The following BBX variants were observed in gnomAD, a reference collection of about 807,000 sequenced individuals.
BBX encodes the protein BBX high mobility group box domain containing.
BBX carries 30 observed loss-of-function variants against 100.2 expected under a neutral mutation model. The ratio of observed to expected loss-of-function variants is 0.30; its 90% CI spans 0.22 to 0.41. The LOEUF (loss-of-function observed/expected upper bound fraction) is 0.41, where lower values mean the gene tolerates loss of function less well. BBX is among the 10% of genes least tolerant of loss of function. The pLI, the probability that BBX is intolerant of heterozygous loss-of-function variation, is 1.00. For missense variants in BBX, 1,023 were observed against 1,129.8 expected, an observed-to-expected ratio of 0.91 and a Z score of 1.35; for synonymous variants, 376 against 388.1, an observed-to-expected ratio of 0.97 and a Z score of 0.37.
At chr3:107,674,225 CA>C (rs2059169194) in intron 3 of BBX, among the ~76,000 whole-genome samples, 3 of 152,022 alleles carry the variant, frequency 2.0e-5, no homozygotes, top group African/African-American at 7.2e-5. Flanking sequence ...TAACTAATAC[CA>C]AAAACTGCCT....
At chr3:107,782,333 C>T (rs763955507) in intron 13 of BBX, among the ~76,000 whole-genome samples, 3 of 152,020 alleles carry the variant, frequency 2.0e-5, no homozygotes, top group Non-Finnish European at 4.4e-5. Flanking sequence ...TCATTGGGTA[C>T]TCATTACTTA....
At chr3:107,583,543 G>A (rs2107557439) in intron 2 of BBX, among the ~76,000 whole-genome samples, 1 of 151,722 alleles carries the variant, frequency 6.6e-6, no homozygotes, top group Middle Eastern at 3.4e-3. Context: ...AGTATGTAAT[G>A]ATCAAATCGG....
chr3:107,558,432 G>A (rs902014446), intron 2 of BBX, among the ~76,000 whole-genome samples: 7 of 152,128 alleles, frequency 4.6e-5, no homozygotes, highest in Admixed American at 3.9e-4. Flanking sequence ...AGGTTGCAGT[G>A]AGCCAAGATC....
chr3:107,744,809 C>T, intron 8 of BBX, 99 bp downstream of exon 8: 2 of 946,504 alleles, frequency 2.1e-6, no homozygotes, highest in Non-Finnish European at 3.4e-6. Context: ...GAACTCTACT[C>T]AGCTCAACCA....
intron 13 of BBX, among the ~76,000 whole-genome samples, chr3:107,780,463 T>G (rs2067760300): frequency 2.6e-5 from 4 of 152,182 alleles, no homozygotes; most frequent in Admixed American, 2.0e-4. Flanking sequence ...CAGCTGAGAT[T>G]AACAGTATTT....
Position 107,809,487 on chromosome 3 carries a change from A to G in BBX, c.*4030A>G, listed in dbSNP as rs995632857. On this transcript the variant is annotated 3_prime_UTR_variant, in exon 18 of 18. Transcript: ENST00000325805. Reference sequence around the variant, plus strand: ...ATGCTGTTGAGGAGATTCACCTTCAATTGCACTGCTCCACAGAGCCCTCAT... The same window carrying G: ...ATGCTGTTGAGGAGATTCACCTTCAGTTGCACTGCTCCACAGAGCCCTCAT... 3 of 152,196 alleles carry G rather than the reference A, an allele frequency of 2.0e-5. No individual in the cohort carries two copies. Among genetic ancestry groups the G allele is most frequent in the Non-Finnish European group, 4.4e-5 (3 of 68,042 alleles). 9.4% of individuals were successfully genotyped at this position (152,196 alleles called of 1,614,324 possible). A position where few individuals can be genotyped will look rare whatever the true frequency, so the allele number is the denominator to read the frequency against.
chr3:107,721,635 T>C (rs992511595), intron 5 of BBX, among the ~76,000 whole-genome samples: 1 of 152,074 alleles, frequency 6.6e-6, no homozygotes, highest in Non-Finnish European at 1.5e-5. Flanking sequence ...TAAAGAAATA[T>C]TCAGATGTTT....
intron 2 of BBX, among the ~76,000 whole-genome samples, chr3:107,596,267 G>A (rs1323725937): frequency 6.6e-6 from 1 of 152,074 alleles, no homozygotes; most frequent in African/African-American, 2.4e-5. Context: ...GGCAGGAATG[G>A]GGGTAGGGAC....
In BBX at chr3:107,710,532, G is replaced by T; in HGVS notation, c.72G>T (p.Lys24Asn). The T allele has an allele frequency of 6.2e-7, 1 of 1,613,836 alleles. No individual in the cohort carries two copies. The highest frequency in any genetic ancestry group is 1.1e-5 in the South Asian group (1 of 91,054). ...GGGTTGGAAAACGACCAAAACGAAAGTGTCTTCAGTGGCATCCATTGCTAG... is the reference window on the plus strand; with the variant it reads ...GGGTTGGAAAACGACCAAAACGAAATTGTCTTCAGTGGCATCCATTGCTAG... ...GEGVGKRPKR[K>N]CLQWHPLLAK... The change falls in exon 4 of 18, where the codon AAG (lysine) becomes AAT (asparagine). Residue 24 changes from lysine to asparagine, a missense_variant. This residue lies in a region of BBX where 229 missense variants were observed against 226.3 expected (regional missense o/e 1.01). Transcript: ENST00000325805.
chr3:107,743,382 G>A (rs1178981139), intron 7 of BBX, among the ~76,000 whole-genome samples: 1 of 152,050 alleles, frequency 6.6e-6, no homozygotes, highest in Non-Finnish European at 1.5e-5. Flanking sequence ...AATTCATTTT[G>A]TGTCTCCTTG....
At chr3:107,533,721 A>C (rs1030098925) in intron 2 of BBX, among the ~76,000 whole-genome samples, 3 of 152,296 alleles carry the variant, frequency 2.0e-5, no homozygotes, top group South Asian at 2.1e-4. Flanking sequence ...CCATGTTGAA[A>C]AATGTTTCTT....
intron 2 of BBX, among the ~76,000 whole-genome samples, chr3:107,546,711 C>A (rs1034922738): frequency 6.6e-6 from 1 of 152,038 alleles, no homozygotes; most frequent in Non-Finnish European, 1.5e-5. Context: ...CTGTTAAATG[C>A]CTTTTTGATT....
intron 10 of BBX, among the ~76,000 whole-genome samples, chr3:107,759,343 C>T (rs2065722318): frequency 6.6e-6 from 1 of 152,132 alleles, no homozygotes. Flanking sequence ...AAATATAATG[C>T]TTTATGTTTG....
chr3:107,735,882 G>A (rs1362922952), intron 7 of BBX, among the ~76,000 whole-genome samples: 1 of 151,430 alleles, frequency 6.6e-6, no homozygotes, highest in Non-Finnish European at 1.5e-5. Flanking sequence ...TTTTTTATGT[G>A]CCTCTATTAC....
At chr3:107,738,849 T>A (rs2063854692) in intron 7 of BBX, among the ~76,000 whole-genome samples, 1 of 152,188 alleles carries the variant, frequency 6.6e-6, no homozygotes. Flanking sequence ...TCAAGAACCC[T>A]CTGAGGCTGG....
chr3:107,554,124 G>C (rs1343354938), intron 2 of BBX, among the ~76,000 whole-genome samples: 1 of 152,198 alleles, frequency 6.6e-6, no homozygotes, highest in East Asian at 1.9e-4. Context: ...AAGGTAAAGG[G>C]ATTTGGGATC....
chr3:107,667,758 A>G (rs1239923917), intron 3 of BBX, among the ~76,000 whole-genome samples: 1 of 152,064 alleles, frequency 6.6e-6, no homozygotes, highest in Non-Finnish European at 1.5e-5. Flanking sequence ...GTAATTATCC[A>G]AGGAAGTATT....
At chr3:107,792,670 A>G (rs9877697) in intron 15 of BBX, among the ~76,000 whole-genome samples, 16,135 of 152,250 alleles carry the variant, frequency 0.11, 1,068 homozygotes, top group Middle Eastern at 0.16. Flanking sequence ...AAAACAAAAT[A>G]TGAATTCTGC....
chr3:107,755,937 A>G (rs998781965), intron 10 of BBX, among the ~76,000 whole-genome samples: 1 of 152,194 alleles, frequency 6.6e-6, no homozygotes, highest in African/African-American at 2.4e-5. Flanking sequence ...GGTTACTTAG[A>G]TTGGCTATGT....
Sources: gnomAD v4.1 joint callset for allele counts (sites outside exome capture counted in the v4.1 genomes callset) on GRCh38, gnomAD v4.1.1 for gene constraint, gnomAD v4.1.1 regional missense constraint, MANE v1.5 for transcripts, NCBI Gene and HGNC (gene_info 2026-07-23, HGNC 2026-07-21) for gene names.